Variants in RASGRF2 observed in about 807,000 individuals in gnomAD.
RASGRF2 encodes the protein Ras protein specific guanine nucleotide releasing factor 2, also known as ras-specific guanine nucleotide-releasing factor 2.
A neutral mutation model predicts 151.0 loss-of-function variants in RASGRF2; 76 were observed. The ratio of observed to expected loss-of-function variants is 0.50; its 90% CI spans 0.42 to 0.61. The LOEUF is 0.61. Among genes scored for constraint, RASGRF2 ranks in the 20% least tolerant of loss-of-function variants. The pLI, the probability that RASGRF2 is intolerant of heterozygous loss-of-function variation, is 0.00. For synonymous variants in RASGRF2, 504 were observed against 566.5 expected (o/e 0.89, Z 1.57); for missense variants, 1,148 against 1,564.6 (o/e 0.73, Z 4.49).
In RASGRF2 at chr5:81,168,309, C is replaced by T. The variant is rs74449450; in HGVS notation, c.2687-11866C>T. Among the ~76,000 whole-genome samples the T allele has an allele frequency of 1.6e-4, 19 of 115,974 alleles. No homozygotes were observed. The South Asian group carries it at 3.3e-3, about 20-fold the overall frequency. The allele number at this position is 115,974 out of a possible 152,430, so 76.1% of individuals were successfully genotyped here. On this transcript the variant is annotated intron_variant, in intron 17 of 26. Transcript: ENST00000265080. ...ATGCCAGCGTCTTTTTTTTTCTTCT[C>T]TTTTTTTTTTTTTTTTTTTAAGACA...
At chr5:81,186,555 AACACAG>A (rs1755030337) in intron 18 of RASGRF2, among the ~76,000 whole-genome samples, 1 of 152,124 alleles carries the variant, frequency 6.6e-6, no homozygotes, top group Admixed American at 6.6e-5. Flanking sequence ...CTATCCTATA[AACACAG>A]ACACACACAC....
chr5:81,013,330 C>T (rs974739310), intron 1 of RASGRF2, among the ~76,000 whole-genome samples: 5 of 152,166 alleles, frequency 3.3e-5, no homozygotes, highest in Admixed American at 6.6e-5. Context: ...ATCCTCTCTG[C>T]GATTCCCACC....
At chr5:80,994,365 C>CAA (rs11411890) in intron 1 of RASGRF2, among the ~76,000 whole-genome samples, 2,228 of 115,102 alleles carry the variant, frequency 0.019, 55 homozygotes, top group African/African-American at 0.046. Flanking sequence ...CACTCTGTCT[C>CAA]AAAAAAAAAA....
At chr5:81,180,372 T>C (rs1561248061) in intron 18 of RASGRF2, 91 bp downstream of exon 18, 1 of 774,488 alleles carries the variant, frequency 1.3e-6, no homozygotes, top group East Asian at 2.6e-5. Flanking sequence ...TCCCTACTCT[T>C]TGGAGTTCAA....
At chr5:81,197,244 C>T (rs1177418224) in intron 18 of RASGRF2, among the ~76,000 whole-genome samples, 2 of 151,494 alleles carry the variant, frequency 1.3e-5, no homozygotes, top group African/African-American at 4.9e-5. Flanking sequence ...ATCATGAGGT[C>T]AGGAGATCGA....
chr5:81,090,669 A>G (rs527887254), intron 9 of RASGRF2, among the ~76,000 whole-genome samples: 4 of 152,264 alleles, frequency 2.6e-5, no homozygotes, highest in African/African-American at 9.6e-5. Context: ...ACAATTATAG[A>G]TTAAGCATAT....
chr5:80,968,038 GC>G (rs1478961319), intron 1 of RASGRF2, among the ~76,000 whole-genome samples: 1 of 152,250 alleles, frequency 6.6e-6, no homozygotes, highest in Admixed American at 6.5e-5. Flanking sequence ...CTGGCTCCCT[GC>G]CTGGAATATG....
In RASGRF2 at chr5:80,974,234, C is replaced by T. The variant is rs191448532; in HGVS notation, c.288+13208C>T. 1.6e-4 allele frequency among the ~76,000 whole-genome samples: 25 copies of T among 152,342 alleles called. No homozygotes were observed. The East Asian group carries it at 4.4e-3, about 27-fold the overall frequency. Reference sequence around the variant, plus strand: ...TGATTTGTTTCCAGATTCACATCCACAAAGAAGGGTATCTTTAATCTGCCA... The same window carrying T: ...TGATTTGTTTCCAGATTCACATCCATAAAGAAGGGTATCTTTAATCTGCCA... On this transcript the variant is annotated intron_variant, in intron 1 of 26. Transcript: ENST00000265080.
chr5:81,017,791 C>A (rs1038883842), intron 1 of RASGRF2, among the ~76,000 whole-genome samples: 2 of 152,098 alleles, frequency 1.3e-5, no homozygotes, highest in Non-Finnish European at 2.9e-5. Flanking sequence ...AAGCTGGGAC[C>A]AAGATAAGAC....
intron 17 of RASGRF2, among the ~76,000 whole-genome samples, chr5:81,156,388 A>T (rs527237464): frequency 2.8e-4 from 43 of 152,220 alleles, no homozygotes; most frequent in Non-Finnish European, 5.0e-4. Context: ...CCAAAGTCAG[A>T]CAAAGATACA....
chr5:81,104,578 C>T (rs1044016224), intron 12 of RASGRF2, among the ~76,000 whole-genome samples: 1 of 151,916 alleles, frequency 6.6e-6, no homozygotes, highest in African/African-American at 2.4e-5. Context: ...AATATTGTTC[C>T]ATCCAAAGTA....
intron 17 of RASGRF2, among the ~76,000 whole-genome samples, chr5:81,130,962 T>C (rs759946032): frequency 5.9e-5 from 9 of 152,114 alleles, no homozygotes; most frequent in Non-Finnish European, 8.8e-5. Context: ...CCTCTGCAGA[T>C]TCCCTCTTGC....
chr5:81,032,302 T>G (rs560133395), intron 1 of RASGRF2, among the ~76,000 whole-genome samples: 2 of 152,184 alleles, frequency 1.3e-5, no homozygotes, highest in African/African-American at 2.4e-5. Flanking sequence ...TTTATGAGGC[T>G]AGCATCATCT....
intron 18 of RASGRF2, among the ~76,000 whole-genome samples, chr5:81,195,355 C>T (rs923902744): frequency 1.3e-5 from 2 of 152,184 alleles, no homozygotes; most frequent in Non-Finnish European, 2.9e-5. Flanking sequence ...AGCTGTCAGC[C>T]AGACATTAGG....
chr5:80,983,943 GTGCGTATTATATTTCTGT>G (rs1748394235), intron 1 of RASGRF2, among the ~76,000 whole-genome samples: 1 of 152,146 alleles, frequency 6.6e-6, no homozygotes, highest in Non-Finnish European at 1.5e-5. Context: ...TACATTTGTG[GTGCGTATTATATTTCTGT>G]TGTCCAGTGC....
At chr5:81,042,033 G>C (rs902005087) in intron 1 of RASGRF2, among the ~76,000 whole-genome samples, 1 of 151,826 alleles carries the variant, frequency 6.6e-6, no homozygotes, top group Admixed American at 6.6e-5. Context: ...TTTTTTAATT[G>C]CTGAGTAATA....
At chr5:80,995,660 A>T (rs1165191050) in intron 1 of RASGRF2, among the ~76,000 whole-genome samples, 1 of 147,146 alleles carries the variant, frequency 6.8e-6, no homozygotes, top group Non-Finnish European at 1.5e-5. Context: ...ATTAATATAC[A>T]AATCATTGTT....
At chr5:81,083,663 A>G (rs1232104708) in intron 7 of RASGRF2, among the ~76,000 whole-genome samples, 1 of 152,240 alleles carries the variant, frequency 6.6e-6, no homozygotes, top group East Asian at 1.9e-4. Flanking sequence ...TATTTATTAA[A>G]GACAGTGGCT....
At chr5:81,083,724 A>G (rs1752150956) in intron 7 of RASGRF2, among the ~76,000 whole-genome samples, 2 of 152,184 alleles carry the variant, frequency 1.3e-5, no homozygotes, top group Admixed American at 1.3e-4. Context: ...TTATTTGGAT[A>G]TGTATGTGTC....
Sources: gnomAD v4.1 joint callset for allele counts (sites outside exome capture counted in the v4.1 genomes callset) on GRCh38, gnomAD v4.1.1 for gene constraint, MANE v1.5 for transcripts, NCBI Gene and HGNC (gene_info 2026-07-23, HGNC 2026-07-21) for gene names.